The following STK10 variants were observed in gnomAD, a reference collection of about 807,000 sequenced individuals.
The protein encoded by STK10 is serine/threonine kinase 10.
Under a neutral mutation model 113.8 loss-of-function variants are expected in STK10, and 78 were observed. The observed-to-expected ratio is 0.69, with a 90% confidence interval of 0.57 to 0.83. The LOEUF is 0.83. STK10 is among the 40% of genes least tolerant of loss of function. The pLI is 0.00. For missense variants in STK10, 1,109 were observed against 1,280.1 expected (o/e 0.87, Z 2.04); for synonymous variants, 465 against 494.7 (o/e 0.94, Z 0.80).
At chr5:172,046,209 A>T (rs1038600949) in intron 18 of STK10, among the ~76,000 whole-genome samples, 7 of 151,450 alleles carry the variant, frequency 4.6e-5, no homozygotes, top group Admixed American at 2.6e-4. Context: ...AAAACACAAA[A>T]ATTAGCCAGG....
chr5:172,097,796 G>GT (rs1328157730), intron 7 of STK10, among the ~76,000 whole-genome samples: 3 of 152,166 alleles, frequency 2.0e-5, no homozygotes, highest in Admixed American at 6.5e-5. Flanking sequence ...GCAGAGTGGT[G>GT]TATGTTCTAT....
intron 12 of STK10, among the ~76,000 whole-genome samples, chr5:172,073,502 T>C (rs1768242464): frequency 6.6e-6 from 1 of 151,808 alleles, no homozygotes; most frequent in Non-Finnish European, 1.5e-5. Context: ...TTCAGTATGT[T>C]GCCCAGGCTG....
chr5:172,151,376 A>C (rs893229611), intron 2 of STK10, among the ~76,000 whole-genome samples: 1 of 149,528 alleles, frequency 6.7e-6, no homozygotes, highest in African/African-American at 2.5e-5. Flanking sequence ...TCAGAGTCTC[A>C]CTCTTGTCAC....
chr5:172,054,457 G>A (rs916732382), intron 17 of STK10, 112 bp downstream of exon 17: 138 of 1,469,638 alleles, frequency 9.4e-5, no homozygotes, highest in Non-Finnish European at 1.2e-4. Context: ...CATCCCGGGC[G>A]TGTCTGATGA....
intron 4 of STK10, among the ~76,000 whole-genome samples, chr5:172,110,706 T>C (rs1193793288): frequency 6.6e-6 from 1 of 151,998 alleles, no homozygotes; most frequent in Non-Finnish European, 1.5e-5. Context: ...GCAGGGCAGT[T>C]ACAAAGCCTC....
rs774653496 is a variant in STK10 at position 172,096,468 on chromosome 5, G to A, written c.963C>T (p.Gly321=). 28 of 1,613,298 alleles carry A rather than the reference G, an allele frequency of 1.7e-5. No homozygotes were observed. The highest frequency in any genetic ancestry group is 2.5e-6 in the Non-Finnish European group (3 of 1,180,036). ...KAEVMEEIED[G]RDEGEEEDAV... ...CGTCCTCCTCTTCCCCCTCATCCCG[G>A]CCGTCTTCGATCTCTTCCATCACCT... Residue 321 remains glycine, a synonymous_variant, in exon 8 of 19, where the codon GGC becomes GGT. Coordinates refer to ENST00000176763, the MANE Select transcript of STK10 (RefSeq NM_005990.4).
At chr5:172,173,088 G>A (rs1200164323) in intron 1 of STK10, among the ~76,000 whole-genome samples, 1 of 152,216 alleles carries the variant, frequency 6.6e-6, no homozygotes, top group Non-Finnish European at 1.5e-5. Context: ...CCAGACCAGA[G>A]GCCAGCACCA....
chr5:172,162,675 CT>C (rs1299898565), intron 1 of STK10, among the ~76,000 whole-genome samples: 3 of 152,206 alleles, frequency 2.0e-5, no homozygotes, highest in Non-Finnish European at 2.9e-5. Context: ...AGTGGAGTGG[CT>C]AGAGCCAGGG....
chr5:172,095,788 A>G (rs1020994015), intron 8 of STK10, among the ~76,000 whole-genome samples: 1 of 152,210 alleles, frequency 6.6e-6, no homozygotes, highest in Non-Finnish European at 1.5e-5. Flanking sequence ...AGGCACAGGG[A>G]GCCACCGGGA....
intron 7 of STK10, among the ~76,000 whole-genome samples, chr5:172,100,963 G>A (rs1235659197): frequency 6.6e-6 from 1 of 152,062 alleles, no homozygotes; most frequent in Non-Finnish European, 1.5e-5. Context: ...CGAGGACCAG[G>A]ATCAGAACCC....
chr5:172,164,717 G>A (rs1770533814), intron 1 of STK10, among the ~76,000 whole-genome samples: 2 of 152,190 alleles, frequency 1.3e-5, no homozygotes, highest in Admixed American at 1.3e-4. Flanking sequence ...GTCTTAGGGA[G>A]TGGGTGAGTC....
At position 172,054,609 on chromosome 5, in the gene STK10, G is replaced by A. The variant is rs1452556746; in HGVS notation, c.2612C>T (p.Ala871Val). The stretch of plus-strand genomic sequence containing the variant: ...CTCGCTCATGTTGCTCTCACACTGC[G>A]CCAGCATGTCCCGCATCTGGTTCTC... ...KHENQMRDML[A>V]QCESNMSELQ... Residue 871 changes from alanine (A) to valine (V), a missense_variant, in exon 17 of 19, where the codon GCG (alanine) becomes GTG (valine). Ala to Val is a moderately conservative substitution (Grantham distance 64, BLOSUM62 0). Transcript: ENST00000176763. 5 of 1,610,006 alleles carry A rather than the reference G, an allele frequency of 3.1e-6. No individual in the cohort carries two copies. The highest frequency in any genetic ancestry group is 2.2e-5 in the South Asian group (2 of 91,082).
chr5:172,180,645 CAAAA>C (rs59448135), intron 1 of STK10, among the ~76,000 whole-genome samples: 2 of 142,758 alleles, frequency 1.4e-5, no homozygotes, highest in African/African-American at 5.0e-5. Context: ...ACAACAACAA[CAAAA>C]AAAAAAAACA....
rs529554616 is a variant in STK10, at chr5:172,153,525, T to G, written c.321+3099A>C. On this transcript the variant is annotated intron_variant, in intron 2 of 18. Coordinates refer to ENST00000176763, the MANE Select transcript of STK10 (RefSeq NM_005990.4). ...ATTGCACATGGGGTGGTGTGGTGAA[T>G]GACCTCCACCCCACTCGGGGGAAAG... Among the ~76,000 whole-genome samples, 35 of 152,330 alleles carry G rather than the reference T, an allele frequency of 2.3e-4. 1 individual carries two copies. Among genetic ancestry groups the G allele is most frequent in the Middle Eastern group, 6.8e-3 (2 of 294 alleles).
intron 2 of STK10, among the ~76,000 whole-genome samples, chr5:172,145,100 G>A (rs1406038196): frequency 1.3e-5 from 2 of 152,148 alleles, no homozygotes; most frequent in African/African-American, 2.4e-5. Flanking sequence ...GATGCTAACC[G>A]GACTTCAGCC....
At chr5:172,045,836 C>A (rs1001814051) in intron 18 of STK10, among the ~76,000 whole-genome samples, 1 of 151,916 alleles carries the variant, frequency 6.6e-6, no homozygotes, top group Non-Finnish European at 1.5e-5. Flanking sequence ...ATTACAGGCA[C>A]CTGCCACCAT....
intron 2 of STK10, among the ~76,000 whole-genome samples, chr5:172,136,313 C>G (rs1769857865): frequency 6.6e-6 from 1 of 152,128 alleles, no homozygotes; most frequent in South Asian, 2.1e-4. Context: ...AACCTCCACA[C>G]AGGCTGGGCG....
rs56679609 is a variant in STK10, at chr5:172,134,828, G to A, written c.322-7407C>T. Among the ~76,000 whole-genome samples, 382 of 151,906 alleles carry A rather than the reference G, an allele frequency of 2.5e-3. 3 individuals carry two copies. Among genetic ancestry groups the A allele is most frequent in the African/African-American group, 8.8e-3 (365 of 41,396 alleles). ...GGTCCCAGATACTTGGGGGGCTGAG[G>A]TGGAAGGATCATTTGAGCTTGGGAG... On this transcript the variant is annotated intron_variant, in intron 2 of 18. Transcript: ENST00000176763.
At chr5:172,068,892 A>AC (rs1207824069) in intron 12 of STK10, among the ~76,000 whole-genome samples, 3 of 151,652 alleles carry the variant, frequency 2.0e-5, no homozygotes, top group Non-Finnish European at 4.4e-5. Flanking sequence ...CTCAAAAAAA[A>AC]AAAACAAAAC....
Sources: gnomAD v4.1 joint callset for allele counts (sites outside exome capture counted in the v4.1 genomes callset) on GRCh38, gnomAD v4.1.1 for gene constraint, MANE v1.5 for transcripts, NCBI Gene and HGNC (gene_info 2026-07-23, HGNC 2026-07-21) for gene names.